The following ROR2 variants were observed in gnomAD, a reference collection of about 807,000 sequenced individuals.
The protein encoded by ROR2 is ROR family WNT receptor 2.
In ROR2, 33 loss-of-function variants were observed where a neutral mutation model predicts 74.9. That is an observed-to-expected ratio of 0.44 (90% CI 0.33 to 0.59). The LOEUF (loss-of-function observed/expected upper bound fraction) is 0.59, where lower values mean the gene tolerates loss of function less well. Among genes scored for constraint, ROR2 ranks in the 20% least tolerant of loss-of-function variants. The pLI, the probability that ROR2 is intolerant of heterozygous loss-of-function variation, is 0.02. For synonymous variants in ROR2, 586 were observed against 558.7 expected, an observed-to-expected ratio of 1.05 and a Z score of -0.69; for missense variants, 1,216 against 1,313.8, an observed-to-expected ratio of 0.93 and a Z score of 1.15.
At chr9:91,730,465 A>AT (rs1837199429) in intron 7 of ROR2, among the ~76,000 whole-genome samples, 1 of 151,972 alleles carries the variant, frequency 6.6e-6, no homozygotes, top group Non-Finnish European at 1.5e-5. Flanking sequence ...TGCGTTATTT[A>AT]TTTATTTATT....
chr9:91,725,593 T>C (rs1030050635), intron 8 of ROR2, among the ~76,000 whole-genome samples: 4 of 152,210 alleles, frequency 2.6e-5, no homozygotes, highest in African/African-American at 7.2e-5. Flanking sequence ...CTTGGCAATT[T>C]TGTCACTTAT....
At chr9:91,917,200 ACT>A (rs1384102929) in intron 1 of ROR2, among the ~76,000 whole-genome samples, 3 of 151,932 alleles carry the variant, frequency 2.0e-5, no homozygotes, top group African/African-American at 7.2e-5. Context: ...CTTCAAACAG[ACT>A]CTCTGTTCTA....
At chr9:91,851,670 T>C (rs1829096677) in intron 1 of ROR2, among the ~76,000 whole-genome samples, 2 of 152,148 alleles carry the variant, frequency 1.3e-5, no homozygotes, top group African/African-American at 4.8e-5. Flanking sequence ...ACAATATTAC[T>C]TTCCCGTTAA....
Position 91,724,036 on chromosome 9 carries a change from G to C in ROR2, c.2458C>G (p.Pro820Ala), listed in dbSNP as rs1253369894. The C allele has an allele frequency of 1.2e-6, 2 of 1,612,184 alleles. No individual in the cohort carries two copies. The highest frequency in any genetic ancestry group is 1.7e-6 in the Non-Finnish European group (2 of 1,179,864). Reference protein sequence around the residue: ...PMVPPPQLYVPVNGYQPVPAY... With the variant: ...PMVPPPQLYVAVNGYQPVPAY... ...GGCACCGGCTGGTAGCCGTTGACGG[G>C]GACGTAGAGCTGCGGCGGGGGCACC... is the stretch of plus-strand genomic sequence containing the variant. The change falls in exon 9 of 9, where the codon CCC (proline) becomes GCC (alanine). Residue 820 changes from proline to alanine, a missense_variant. Physicochemically the swap from Pro to Ala is conservative, Grantham distance 27. Transcript: ENST00000375708.
chr9:91,919,533 T>C (rs1831215075), intron 1 of ROR2, among the ~76,000 whole-genome samples: 1 of 152,146 alleles, frequency 6.6e-6, no homozygotes, highest in South Asian at 2.1e-4. Context: ...CACCTCAACC[T>C]CACTTTCAGT....
At chr9:91,871,934 CCAG>C (rs1337592968) in intron 1 of ROR2, among the ~76,000 whole-genome samples, 1 of 152,138 alleles carries the variant, frequency 6.6e-6, no homozygotes, top group Non-Finnish European at 1.5e-5. Context: ...GCAGCCCCCA[CCAG>C]CATCTTACCG....
chr9:91,783,233 A>G (rs1826682413), intron 1 of ROR2, among the ~76,000 whole-genome samples: 1 of 152,184 alleles, frequency 6.6e-6, no homozygotes, highest in Non-Finnish European at 1.5e-5. Context: ...TCTCCAAATA[A>G]GGGCACATTC....
At chr9:91,738,642 G>C (rs1451251798) in intron 4 of ROR2, among the ~76,000 whole-genome samples, 1 of 152,228 alleles carries the variant, frequency 6.6e-6, no homozygotes, top group African/African-American at 2.4e-5. Context: ...TATGTTCAAA[G>C]GTGATGGTAG....
At chr9:91,876,330 C>T (rs1021908155) in intron 1 of ROR2, among the ~76,000 whole-genome samples, 2 of 151,864 alleles carry the variant, frequency 1.3e-5, no homozygotes, top group African/African-American at 4.8e-5. Context: ...GATAGCACCA[C>T]TGCACTCCAG....
At chr9:91,900,883 G>C (rs995675747) in intron 1 of ROR2, among the ~76,000 whole-genome samples, 8 of 152,228 alleles carry the variant, frequency 5.3e-5, no homozygotes, top group Admixed American at 2.0e-4. Context: ...TAATTAAAAA[G>C]AGCAACTAGG....
In ROR2 at chr9:91,723,393, T is replaced by G; in HGVS notation, c.*269A>C. ...ACTACCAGTCTACCACCAGAATCAA[T>G]GTATACAGCCCTGGGGATGACCATG... On this transcript the variant is annotated 3_prime_UTR_variant, in exon 9 of 9. Transcript: ENST00000375708. 1 of 491,616 alleles carries G rather than the reference T, an allele frequency of 2.0e-6. No individual in the cohort carries two copies. Among genetic ancestry groups the G allele is most frequent in the Non-Finnish European group, 3.6e-6 (1 of 276,478 alleles). 30.5% of individuals were successfully genotyped at this position (491,616 alleles called of 1,614,324 possible).
intron 1 of ROR2, among the ~76,000 whole-genome samples, chr9:91,802,959 G>A (rs1392821601): frequency 2.0e-5 from 3 of 152,102 alleles, no homozygotes; most frequent in Non-Finnish European, 4.4e-5. Flanking sequence ...ATCGTTAGCC[G>A]TTAAGGAAAC....
chr9:91,804,904 G>A (rs1827500675), intron 1 of ROR2, among the ~76,000 whole-genome samples: 1 of 152,148 alleles, frequency 6.6e-6, no homozygotes, highest in African/African-American at 2.4e-5. Flanking sequence ...CACCCCCTAG[G>A]AAATTCCTTT....
chr9:91,862,261 C>T (rs961309348), intron 1 of ROR2, among the ~76,000 whole-genome samples: 1 of 151,950 alleles, frequency 6.6e-6, no homozygotes, highest in Non-Finnish European at 1.5e-5. Context: ...ACCCAGGAAG[C>T]GGAGCTTGCA....
At chr9:91,755,823 G>T (rs1486169814) in intron 4 of ROR2, 3 of 597,690 alleles carry the variant, frequency 5.0e-6, no homozygotes, top group Non-Finnish European at 8.9e-6. Context: ...CAGTAGCCCT[G>T]TGTAAGGTCA....
At chr9:91,893,499 C>G (rs974469957) in intron 1 of ROR2, among the ~76,000 whole-genome samples, 1 of 152,094 alleles carries the variant, frequency 6.6e-6, no homozygotes, top group African/African-American at 2.4e-5. Flanking sequence ...TTCCCCACAC[C>G]CCTCCACTGG....
chr9:91,770,966 C>A (rs1245429856), intron 2 of ROR2, among the ~76,000 whole-genome samples: 1 of 152,158 alleles, frequency 6.6e-6, no homozygotes, highest in Non-Finnish European at 1.5e-5. Context: ...GCATGGTCTC[C>A]ATGTCAGCTC....
At chr9:91,735,749 T>A (rs1471946813) in intron 5 of ROR2, among the ~76,000 whole-genome samples, 1 of 150,674 alleles carries the variant, frequency 6.6e-6, no homozygotes, top group African/African-American at 2.4e-5. Context: ...CCCAAGTAGC[T>A]GGGATTACAG....
intron 4 of ROR2, among the ~76,000 whole-genome samples, chr9:91,742,966 A>G (rs1418893940): frequency 6.6e-6 from 1 of 152,222 alleles, no homozygotes; most frequent in Non-Finnish European, 1.5e-5. Context: ...AGTATTCAGT[A>G]TAGTCATATG....
Sources: allele counts gnomAD v4.1 joint callset (sites outside exome capture counted in the v4.1 genomes callset), GRCh38; gene constraint gnomAD v4.1.1; transcripts MANE v1.5; gene names NCBI Gene and HGNC (gene_info 2026-07-23, HGNC 2026-07-21).